Variants in PIK3R6 observed in about 807,000 individuals in gnomAD.
The protein encoded by PIK3R6 is phosphoinositide-3-kinase regulatory subunit 6.
Under a neutral mutation model 84.9 loss-of-function variants are expected in PIK3R6, and 91 were observed. The ratio of observed to expected loss-of-function variants is 1.07; its 90% confidence interval spans 0.90 to 1.28. The LOEUF is 1.28. PIK3R6 is among the 50% of genes most tolerant of loss of function. The probability of loss-of-function intolerance (pLI) is 0.00; values close to 1 mark genes in which losing one functional copy is unlikely to be tolerated. For synonymous variants in PIK3R6, 416 were observed against 411.4 expected (o/e 1.01, Z -0.13); for missense variants, 996 against 985.1 (o/e 1.01, Z -0.15).
intron 1 of PIK3R6, among the ~76,000 whole-genome samples, chr17:8,863,991 T>C (rs1037785006): frequency 6.6e-6 from 1 of 152,172 alleles, no homozygotes; most frequent in Admixed American, 6.5e-5. Context: ...CCAGTGTTTT[T>C]AAGGGACAGC....
At chr17:8,838,696 C>T in intron 3 of PIK3R6, 41 bp from the exon 4 acceptor site, 1 of 1,542,336 alleles carries the variant, frequency 6.5e-7, no homozygotes, top group Non-Finnish European at 8.8e-7. Context: ...AGCAGGTGGG[C>T]AGTTCTTAGA....
chr17:8,867,424 T>TA (rs1306771118), intron 1 of PIK3R6, 105 bp downstream of exon 1: 1 of 178,560 alleles, frequency 5.6e-6, no homozygotes, highest in Non-Finnish European at 1.2e-5. Context: ...CCAGGGGTGT[T>TA]TCAGCCCCCC....
At chr17:8,812,622 A>G (rs2087391921) in intron 18 of PIK3R6, among the ~76,000 whole-genome samples, 2 of 152,242 alleles carry the variant, frequency 1.3e-5, no homozygotes. Flanking sequence ...CTATTTAAAT[A>G]CATGAGAATT....
chr17:8,851,529 C>CA (rs1432047674), intron 1 of PIK3R6, among the ~76,000 whole-genome samples: 2 of 152,042 alleles, frequency 1.3e-5, no homozygotes, highest in African/African-American at 2.4e-5. Flanking sequence ...ACCAACCAAA[C>CA]AAAAAACCAC....
At position 8,844,641 on chromosome 17, in the gene PIK3R6, A is replaced by AT. The variant is rs1451830124; in HGVS notation, c.14-4945dup. Reference sequence around the variant, plus strand: ...TTTATTTAAAATTTTTTTAACTTTTATTTTAGGTTCAGGAGGTACATGTGC... The same window carrying AT: ...TTTATTTAAAATTTTTTTAACTTTTATTTTTAGGTTCAGGAGGTACATGTGC... On this transcript the variant is annotated intron_variant, in intron 2 of 19. Coordinates refer to ENST00000619866, the MANE Select transcript of PIK3R6 (RefSeq NM_001010855.4). This position sits in a 1 kb window ranked among gnomAD's most constrained non-coding sequence, Gnocchi z 4.5. Among the ~76,000 whole-genome samples, 1 of 151,902 alleles carries AT rather than the reference A, an allele frequency of 6.6e-6. No homozygotes were observed. The highest frequency in any genetic ancestry group is 1.5e-5 in the Non-Finnish European group (1 of 67,978).
At chr17:8,867,409 A>G (rs921906813) in intron 1 of PIK3R6, 120 bp downstream of exon 1, 3 of 165,334 alleles carry the variant, frequency 1.8e-5, no homozygotes, top group African/African-American at 7.2e-5. Flanking sequence ...CTGGATAAAT[A>G]AGAGCCAGGG....
chr17:8,839,530 G>T lies in PIK3R6; in HGVS notation c.97+84C>A. On this transcript the variant is annotated intron_variant, in intron 3 of 19. Coordinates refer to ENST00000619866, the MANE Select transcript of PIK3R6 (RefSeq NM_001010855.4). The surrounding 1 kb of genome is among the most constrained non-coding windows in gnomAD (Gnocchi z 4.2). ...CTTGCCCCCTGAGCTCCAGGCCGGG[G>T]CTCTTTCCTGTATGCGCGTGTATTG... 8.9e-7 allele frequency: 1 copy of T among 1,120,792 alleles called. No individual in the cohort carries two copies. The highest frequency in any genetic ancestry group is 1.6e-5 in the African/African-American group (1 of 63,264). The allele number at this position is 1,120,792 out of a possible 1,614,324, so 69.4% of individuals were successfully genotyped here.
intron 11 of PIK3R6, 104 bp from the exon 12 acceptor site, chr17:8,828,294 T>C: frequency 8.1e-7 from 1 of 1,232,312 alleles, no homozygotes; most frequent in Non-Finnish European, 1.2e-6. Flanking sequence ...ATTTGTGTCA[T>C]CTTTCTGAGC....
chr17:8,828,141 G>T lies in PIK3R6; in HGVS notation c.1363C>A (p.Leu455Ile), dbSNP rs1483412334. 1 of 1,614,010 alleles carries T rather than the reference G, an allele frequency of 6.2e-7. No homozygotes were observed. Among genetic ancestry groups the T allele is most frequent in the South Asian group, 1.1e-5 (1 of 91,088 alleles). Reference sequence around the variant, plus strand: ...GGCGCCAGCACGGGGATGTAGTAGAGCTGCAGGCTGAGTCTGGGAGTGAGG... The same window carrying T: ...GGCGCCAGCACGGGGATGTAGTAGATCTGCAGGCTGAGTCTGGGAGTGAGG... ...FCLTPRLSLQ[L>I]YYIPVLAPEK... Residue 455 changes from leucine (L) to isoleucine (I), a missense_variant, in exon 12 of 20, where the codon CTC (leucine) becomes ATC (isoleucine). Physicochemically the swap from Leu to Ile is conservative, Grantham distance 5 (BLOSUM62 2). Coordinates refer to ENST00000619866, the MANE Select transcript of PIK3R6 (RefSeq NM_001010855.4).
intron 18 of PIK3R6, among the ~76,000 whole-genome samples, chr17:8,818,825 G>A (rs1395846814): frequency 6.6e-6 from 1 of 152,122 alleles, no homozygotes; most frequent in African/African-American, 2.4e-5. Context: ...GGTATGTCTT[G>A]GGTCCTCAAA....
At chr17:8,855,937 T>G (rs2151308267) in intron 1 of PIK3R6, among the ~76,000 whole-genome samples, 1 of 152,304 alleles carries the variant, frequency 6.6e-6, no homozygotes, top group Admixed American at 6.5e-5. Flanking sequence ...CACAAATGCC[T>G]TCAGTGGGTA....
At position 8,860,294 on chromosome 17, in the gene PIK3R6, G is replaced by GT. The variant is rs535701712; in HGVS notation, c.-92+7234_-92+7235insA. Among the ~76,000 whole-genome samples the GT allele has an allele frequency of 9.1e-3, 1,381 of 151,842 alleles. 26 individuals carry two copies. The highest frequency in any genetic ancestry group is 0.032 in the African/African-American group (1,315 of 41,458). On this transcript the variant is annotated intron_variant, in intron 1 of 19. Transcript: ENST00000619866. ...CTGAGCTCCGCCTCCTGGGGCGGGG[G>GT]GCGGTGTGGGCATAAGATTCTCATA...
At chr17:8,831,024 T>C (rs1242483054) in intron 9 of PIK3R6, among the ~76,000 whole-genome samples, 1 of 151,776 alleles carries the variant, frequency 6.6e-6, no homozygotes, top group Non-Finnish European at 1.5e-5. Flanking sequence ...CAGGCGCCTG[T>C]AGTCCCAGCT....
chr17:8,863,919 G>A (rs1013067643), intron 1 of PIK3R6, among the ~76,000 whole-genome samples: 13 of 152,304 alleles, frequency 8.5e-5, no homozygotes, highest in South Asian at 4.1e-4. Flanking sequence ...CAAGCCATGC[G>A]GTATCTGCAG....
At chr17:8,820,112 A>C (rs1597387994) in intron 17 of PIK3R6, among the ~76,000 whole-genome samples, 2 of 142,520 alleles carry the variant, frequency 1.4e-5, no homozygotes, top group South Asian at 4.5e-4. Context: ...ACACTGGCTA[A>C]TTTTTTTTTT....
Position 8,828,109 on chromosome 17 carries a change from C to A in PIK3R6, c.1392+3G>T. On this transcript the variant is annotated splice_donor_region_variant and intron_variant, in intron 12 of 19. Transcript: ENST00000619866. ...CGCCACCGCCTCCCCGCGGTCCAGT[C>A]ACCTCAGGCGCCAGCACGGGGATGT... The A allele has an allele frequency of 6.2e-7, 1 of 1,613,798 alleles. No individual in the cohort carries two copies.
chr17:8,816,969 G>T (rs561279451), intron 18 of PIK3R6, among the ~76,000 whole-genome samples: 9 of 152,126 alleles, frequency 5.9e-5, no homozygotes, highest in Admixed American at 3.9e-4. Context: ...CTCACACTAC[G>T]CTTGTAATAG....
rs779576819 is a variant in PIK3R6 at position 8,867,577 on chromosome 17, C to T, written c.-140G>A. 1.6e-5 allele frequency: 8 copies of T among 510,776 alleles called. No homozygotes were observed. The highest frequency in any genetic ancestry group is 3.1e-5 in the Non-Finnish European group (8 of 254,822). 31.6% of individuals were successfully genotyped at this position (510,776 alleles called of 1,614,324 possible). On this transcript the variant is annotated 5_prime_UTR_variant, in exon 1 of 20. Transcript: ENST00000619866. Reference sequence around the variant, plus strand: ...GCTCCCCAAGTCCTTCAGCCAACTCCCCACGGTCCTGAGCGAGGTCCCCAG... The same window carrying T: ...GCTCCCCAAGTCCTTCAGCCAACTCTCCACGGTCCTGAGCGAGGTCCCCAG...
At chr17:8,853,661 A>G (rs1373561662) in intron 1 of PIK3R6, among the ~76,000 whole-genome samples, 1 of 151,836 alleles carries the variant, frequency 6.6e-6, no homozygotes, top group Non-Finnish European at 1.5e-5. Context: ...AAGACCCAGT[A>G]TAGTTAAGAT....
Sources: gnomAD v4.1 joint callset for allele counts (sites outside exome capture counted in the v4.1 genomes callset) on GRCh38, gnomAD v4.1.1 for gene constraint, Gnocchi (gnomAD v3.1) non-coding constraint, MANE v1.5 for transcripts, NCBI Gene and HGNC (gene_info 2026-07-23, HGNC 2026-07-21) for gene names.